The following PHKB variants were observed in gnomAD, a reference collection of about 807,000 sequenced individuals.
The protein encoded by PHKB is phosphorylase kinase regulatory subunit beta.
In PHKB, 122 loss-of-function variants were observed where a neutral mutation model predicts 152.1. That is an observed-to-expected ratio of 0.80 (90% CI 0.69 to 0.93). PHKB has a LOEUF of 0.93. Ranked by LOEUF, PHKB falls within the 40% of genes least tolerant of loss-of-function variation. The pLI is 0.00. For synonymous variants in PHKB, 436 were observed against 464.9 expected, an observed-to-expected ratio of 0.94 and a Z score of 0.80; for missense variants, 1,304 against 1,328.4, an observed-to-expected ratio of 0.98 and a Z score of 0.29.
chr16:47,533,895 G>A (rs1408259934), intron 6 of PHKB, among the ~76,000 whole-genome samples: 2 of 152,156 alleles, frequency 1.3e-5, no homozygotes, highest in Non-Finnish European at 2.9e-5. Flanking sequence ...GCTGCACCAG[G>A]GAGGGCGGGG....
chr16:47,613,885 T>C (rs191183126), intron 14 of PHKB, among the ~76,000 whole-genome samples: 1 of 152,350 alleles, frequency 6.6e-6, no homozygotes, highest in Non-Finnish European at 1.5e-5. Flanking sequence ...GATTGGCTTT[T>C]TTTCACTCAA....
intron 1 of PHKB, among the ~76,000 whole-genome samples, chr16:47,483,079 C>A (rs530158619): frequency 7.6e-6 from 1 of 132,420 alleles, no homozygotes; most frequent in East Asian, 2.5e-4. Flanking sequence ...CATTCTGTCA[C>A]CCTGGCTGGA....
intron 7 of PHKB, chr16:47,566,451 G>T: frequency 6.2e-7 from 1 of 1,609,358 alleles, no homozygotes; most frequent in South Asian, 1.1e-5. Flanking sequence ...ACTGAGCAGG[G>T]AATCCAGGTC....
intron 1 of PHKB, among the ~76,000 whole-genome samples, chr16:47,496,848 G>A (rs1250707020): frequency 2.0e-5 from 3 of 152,148 alleles, no homozygotes; most frequent in Non-Finnish European, 4.4e-5. Flanking sequence ...CAGATAATAA[G>A]GCAAGAATAT....
At chr16:47,659,738 G>A (rs967623745) in intron 20 of PHKB, among the ~76,000 whole-genome samples, 5 of 152,192 alleles carry the variant, frequency 3.3e-5, no homozygotes, top group Non-Finnish European at 5.9e-5. Flanking sequence ...AGACTTGTCG[G>A]TATCCTATCA....
chr16:47,518,869 G>T (rs974406231), intron 6 of PHKB, among the ~76,000 whole-genome samples: 1 of 152,068 alleles, frequency 6.6e-6, no homozygotes, highest in Non-Finnish European at 1.5e-5. Context: ...GCTACGTGGC[G>T]TTCCATGTCT....
chr16:47,566,989 T>C, intron 7 of PHKB: 2 of 460,494 alleles, frequency 4.3e-6, no homozygotes, highest in Non-Finnish European at 3.9e-6. Context: ...TTTTAGTTAC[T>C]ATAGCCTTGT....
rs1423497371 is a variant in PHKB, at chr16:47,593,564, A to T, written c.1126+7A>T. The stretch of plus-strand genomic sequence containing the variant: ...CTTTATATGATGATTGATGGTAAGT[A>T]AGCTTTTTCCTGAAATTTAAGCAAG... On this transcript the variant is annotated splice_region_variant and intron_variant, in intron 11 of 30. Coordinates refer to ENST00000323584, the MANE Select transcript of PHKB (RefSeq NM_000293.3). 1 of 1,466,286 alleles carries T rather than the reference A, an allele frequency of 6.8e-7. No homozygotes were observed. The highest frequency in any genetic ancestry group is 9.6e-7 in the Non-Finnish European group (1 of 1,045,960). The allele number at this position is 1,466,286 out of a possible 1,614,324, so 90.8% of individuals were successfully genotyped here. A position where few individuals can be genotyped will look rare whatever the true frequency, so the allele number is the denominator to read the frequency against.
chr16:47,605,910 G>C (rs988741184), intron 13 of PHKB, among the ~76,000 whole-genome samples: 1 of 152,218 alleles, frequency 6.6e-6, no homozygotes, highest in East Asian at 1.9e-4. Context: ...TCTGGGAGTC[G>C]ACTGACTGTG....
At chr16:47,579,838 T>A (rs1328000007) in intron 7 of PHKB, among the ~76,000 whole-genome samples, 2 of 152,206 alleles carry the variant, frequency 1.3e-5, no homozygotes, top group African/African-American at 4.8e-5. Flanking sequence ...GTTTGAAGGA[T>A]ACTTTAAGCC....
chr16:47,629,690 T>C (rs1423315427), intron 14 of PHKB, among the ~76,000 whole-genome samples: 4 of 152,128 alleles, frequency 2.6e-5, no homozygotes, highest in Admixed American at 6.5e-5. Flanking sequence ...ACCCAAAGGA[T>C]TATAAATCAT....
chr16:47,696,744 C>G (rs1426944871), intron 29 of PHKB, among the ~76,000 whole-genome samples: 1 of 152,156 alleles, frequency 6.6e-6, no homozygotes, highest in Non-Finnish European at 1.5e-5. Flanking sequence ...GAAGGGAGAA[C>G]CGACCCCTGC....
At chr16:47,492,253 G>C (rs1042781152) in intron 1 of PHKB, among the ~76,000 whole-genome samples, 1 of 152,098 alleles carries the variant, frequency 6.6e-6, no homozygotes, top group Non-Finnish European at 1.5e-5. Flanking sequence ...TGGAAAGATG[G>C]ACAAAGTACA....
Position 47,643,226 on chromosome 16 carries a change from A to AAC in PHKB, c.1608+1538_1608+1539dup, listed in dbSNP as rs1404588234. The stretch of plus-strand genomic sequence containing the variant: ...TGTGGTATTCATTCATTCAGCAACA[A>AAC]ACACATGCTATATGCAGAGCACTGT... On this transcript the variant is annotated intron_variant, in intron 16 of 30. Coordinates refer to ENST00000323584, the MANE Select transcript of PHKB (RefSeq NM_000293.3). Among the ~76,000 whole-genome samples the AAC allele has an allele frequency of 2.0e-5, 3 of 152,246 alleles. No individual in the cohort carries two copies. In the East Asian group the frequency reaches 5.8e-4, roughly 29 times the overall value.
rs71287505 is a variant in PHKB, at chr16:47,692,613, CAAATAAATAAATAAAT to C, written c.2766-744_2766-729del. Among the ~76,000 whole-genome samples, 145 of 150,830 alleles carry C rather than the reference CAAATAAATAAATAAAT, an allele frequency of 9.6e-4. 1 individual carries two copies. The highest frequency in any genetic ancestry group is 3.2e-3 in the African/African-American group (130 of 41,104). ...CCTGGGTGACACAGCAAGACCCTGTCAAATAAATAAATAAATAAATAAATAAATAAATAAATGTATC... is the reference window on the plus strand; with the variant it reads ...CCTGGGTGACACAGCAAGACCCTGTCAAATAAATAAATAAATAAATGTATC... On this transcript the variant is annotated intron_variant, in intron 27 of 30. Transcript: ENST00000323584.
At chr16:47,484,368 A>G (rs138344191) in intron 1 of PHKB, among the ~76,000 whole-genome samples, 62 of 152,272 alleles carry the variant, frequency 4.1e-4, no homozygotes, top group African/African-American at 1.4e-3. Flanking sequence ...CATGTGAAAT[A>G]TGTTTCTTAC....
chr16:47,666,536 C>T (rs1273800690), intron 25 of PHKB, among the ~76,000 whole-genome samples: 1 of 152,252 alleles, frequency 6.6e-6, no homozygotes, highest in African/African-American at 2.4e-5. Context: ...CTGTCACCTC[C>T]TCCTCACGGA....
intron 18 of PHKB, among the ~76,000 whole-genome samples, chr16:47,650,122 A>G (rs1973208600): frequency 6.6e-6 from 1 of 152,072 alleles, no homozygotes; most frequent in African/African-American, 2.4e-5. Context: ...GGCTTTTTTA[A>G]AAAAGGAGGC....
chr16:47,681,870 G>A (rs1330375562), intron 26 of PHKB, among the ~76,000 whole-genome samples: 1 of 152,126 alleles, frequency 6.6e-6, no homozygotes, highest in African/African-American at 2.4e-5. Flanking sequence ...TTGCCTTGAT[G>A]GTCTTTACAT....
Sources: allele counts gnomAD v4.1 joint callset (sites outside exome capture counted in the v4.1 genomes callset), GRCh38; gene constraint gnomAD v4.1.1; transcripts MANE v1.5; gene names NCBI Gene and HGNC (gene_info 2026-07-23, HGNC 2026-07-21).